Variants in RIN3 observed in about 807,000 individuals in gnomAD.
The protein encoded by RIN3 is RAB5 interacting protein 3.
A neutral mutation model predicts 76.3 loss-of-function variants in RIN3; 54 were observed. That is an observed-to-expected ratio of 0.71 (90% CI 0.57 to 0.89). RIN3 has a LOEUF of 0.89. RIN3 is among the 40% of genes least tolerant of loss of function. The probability of loss-of-function intolerance (pLI) is 0.00; values close to 1 mark genes in which losing one functional copy is unlikely to be tolerated. For synonymous variants in RIN3, 576 were observed against 564.0 expected (o/e 1.02, Z -0.30); for missense variants, 1,256 against 1,322.1 (o/e 0.95, Z 0.78).
rs1888976332 is a variant in RIN3 at position 92,688,743 on chromosome 14, C to T, written c.*491C>T. 1 of 159,842 alleles carries T rather than the reference C, an allele frequency of 6.3e-6. No homozygotes were observed. Among genetic ancestry groups the T allele is most frequent in the Non-Finnish European group, 1.4e-5 (1 of 73,066 alleles). The allele number at this position is 159,842 out of a possible 1,614,324, so 9.9% of individuals were successfully genotyped here. On this transcript the variant is annotated 3_prime_UTR_variant, in exon 10 of 10. Transcript: ENST00000216487. ...GCACCTCAGGGTGTCGGTTAAGAGA[C>T]AGGCCTCCACCCCTGCACCAGAGCC...
chr14:92,590,508 C>G (rs1314220150), intron 3 of RIN3, among the ~76,000 whole-genome samples: 3 of 152,202 alleles, frequency 2.0e-5, no homozygotes, highest in African/African-American at 7.2e-5. Context: ...CCTGCTCCCA[C>G]TTCACCTTCC....
intron 4 of RIN3, among the ~76,000 whole-genome samples, chr14:92,632,543 A>C (rs767573633): frequency 2.6e-5 from 4 of 152,190 alleles, no homozygotes; most frequent in Non-Finnish European, 5.9e-5. Flanking sequence ...GCTGTTATAG[A>C]TAAAGAAACT....
At chr14:92,561,040 A>ATATATATATATATATATAT (rs1306892381) in intron 2 of RIN3, among the ~76,000 whole-genome samples, 22 of 15,410 alleles carry the variant, frequency 1.4e-3, no homozygotes, top group Non-Finnish European at 2.6e-3. Flanking sequence ...AAAAAAAAAA[A>ATATATATATATATATATAT]AAAAATATAT....
Position 92,641,337 on chromosome 14 carries a change from T to C in RIN3, c.532+8T>C. The stretch of plus-strand genomic sequence containing the variant: ...TCGCCAACCTGGGTCTGGGTGAGTC[T>C]TCTCCGAGGGGTTAGGGGAGCTGGT... On this transcript the variant is annotated splice_region_variant and intron_variant, in intron 5 of 9. Transcript: ENST00000216487. 1 of 1,608,454 alleles carries C rather than the reference T, an allele frequency of 6.2e-7. No individual in the cohort carries two copies.
intron 3 of RIN3, among the ~76,000 whole-genome samples, chr14:92,608,611 T>C (rs924621681): frequency 6.6e-6 from 1 of 152,092 alleles, no homozygotes; most frequent in Non-Finnish European, 1.5e-5. Flanking sequence ...CTTGGCTCAC[T>C]ACAACCTCTG....
At chr14:92,549,025 C>T (rs1223897758) in intron 1 of RIN3, among the ~76,000 whole-genome samples, 3 of 152,140 alleles carry the variant, frequency 2.0e-5, no homozygotes, top group Non-Finnish European at 4.4e-5. Context: ...CCCACGCCGG[C>T]CCCTGCACTC....
chr14:92,558,655 A>G (rs2146500), intron 2 of RIN3, among the ~76,000 whole-genome samples: 130,786 of 152,216 alleles, frequency 0.86, 56,282 homozygotes, highest in East Asian at 1. Flanking sequence ...ACTGATGCCA[A>G]TAAAAGGTAC....
rs553098772 is a variant in RIN3 at position 92,584,765 on chromosome 14, A to G, written c.367+7288A>G. On this transcript the variant is annotated intron_variant, in intron 3 of 9. Transcript: ENST00000216487. ...TGAGCCACCTGGCCAGGAGGACACT[A>G]GCTACTTTTTCATTGATGGGCTTTG... 5.8e-4 allele frequency among the ~76,000 whole-genome samples: 89 copies of G among 152,184 alleles called. 1 individual carries two copies. Among genetic ancestry groups the G allele is most frequent in the South Asian group, 4.6e-3 (22 of 4,816 alleles).
chr14:92,551,813 G>T (rs1897433354), intron 1 of RIN3, among the ~76,000 whole-genome samples: 1 of 152,164 alleles, frequency 6.6e-6, no homozygotes, highest in Non-Finnish European at 1.5e-5. Context: ...GGTCTCTGTT[G>T]GATATATGTT....
intron 5 of RIN3, chr14:92,645,268 G>C (rs1416663516): frequency 6.6e-6 from 1 of 152,252 alleles, no homozygotes; most frequent in Non-Finnish European, 1.5e-5. Flanking sequence ...GGGTTACCTT[G>C]TATAGTCAGC....
chr14:92,531,680 G>A (rs189447550), intron 1 of RIN3, among the ~76,000 whole-genome samples: 4 of 152,282 alleles, frequency 2.6e-5, no homozygotes, highest in African/African-American at 9.6e-5. Flanking sequence ...CAGGGGGTGG[G>A]AGCAATGTGA....
intron 1 of RIN3, among the ~76,000 whole-genome samples, chr14:92,543,618 CTT>C (rs3033757): frequency 0.23 from 19,165 of 84,758 alleles, 2,063 homozygotes; most frequent in East Asian, 0.41. Context: ...AAGGCTTTTG[CTT>C]TTTTTTTTTT....
At chr14:92,569,673 G>A (rs148909963) in intron 2 of RIN3, among the ~76,000 whole-genome samples, 16 of 152,072 alleles carry the variant, frequency 1.1e-4, no homozygotes, top group Non-Finnish European at 1.9e-4. Flanking sequence ...ATAGCTATGG[G>A]CTAGGTGTGA....
intron 3 of RIN3, among the ~76,000 whole-genome samples, chr14:92,597,938 A>G (rs1389502039): frequency 6.6e-6 from 1 of 152,226 alleles, no homozygotes; most frequent in East Asian, 1.9e-4. Flanking sequence ...TAATCTGCAT[A>G]TCATCCCTGG....
intron 7 of RIN3, among the ~76,000 whole-genome samples, chr14:92,664,898 A>G (rs1458698101): frequency 6.6e-6 from 1 of 152,208 alleles, no homozygotes; most frequent in Non-Finnish European, 1.5e-5. Context: ...ACTTGACCTA[A>G]TAAGGTCCTT....
At chr14:92,585,842 A>G (rs1204831213) in intron 3 of RIN3, among the ~76,000 whole-genome samples, 1 of 152,166 alleles carries the variant, frequency 6.6e-6, no homozygotes, top group African/African-American at 2.4e-5. Flanking sequence ...TCAGTCCATA[A>G]AAAGTAAGGA....
At chr14:92,649,677 A>C (rs1887338210) in intron 5 of RIN3, among the ~76,000 whole-genome samples, 1 of 152,158 alleles carries the variant, frequency 6.6e-6, no homozygotes, top group Non-Finnish European at 1.5e-5. Context: ...GGCAGTCACA[A>C]AGAGCAGCTC....
intron 3 of RIN3, among the ~76,000 whole-genome samples, chr14:92,604,075 CTA>C: frequency 6.6e-6 from 1 of 152,240 alleles, no homozygotes; most frequent in Non-Finnish European, 1.5e-5. Context: ...CAAAATGTAA[CTA>C]TGTCCTTCAA....
chr14:92,629,501 A>G (rs938916386), intron 4 of RIN3, among the ~76,000 whole-genome samples: 1 of 152,218 alleles, frequency 6.6e-6, no homozygotes, highest in African/African-American at 2.4e-5. Context: ...TATGTAAATG[A>G]AGAGTATGAA....
Sources: allele counts gnomAD v4.1 joint callset (sites outside exome capture counted in the v4.1 genomes callset), GRCh38; gene constraint gnomAD v4.1.1; transcripts MANE v1.5; gene names NCBI Gene and HGNC (gene_info 2026-07-23, HGNC 2026-07-21).